LIPA: variants seen among roughly 807,000 people sequenced by gnomAD.
LIPA encodes lipase A, lysosomal acid type, also known as lysosomal acid lipase/cholesteryl ester hydrolase.
In LIPA, 26 loss-of-function variants were observed where a neutral mutation model predicts 40.6. The ratio of observed to expected loss-of-function variants is 0.64; its 90% confidence interval spans 0.47 to 0.89. The LOEUF is 0.89. Ranked by LOEUF, LIPA falls within the 40% of genes least tolerant of loss-of-function variation. The probability of loss-of-function intolerance (pLI) is 0.00; values close to 1 mark genes in which losing one functional copy is unlikely to be tolerated. For synonymous variants in LIPA, 188 were observed against 168.4 expected (o/e 1.12, Z -0.90); for missense variants, 455 against 479.6 (o/e 0.95, Z 0.48).
chr10:89,315,945 A>G (rs564236006), intron 1 of LIPA, among the ~76,000 whole-genome samples: 1 of 152,318 alleles, frequency 6.6e-6, no homozygotes, highest in Admixed American at 6.5e-5. Flanking sequence ...TTTAAGTTTT[A>G]GGGTACATGT....
chr10:89,383,810 A>C (rs1397181354), intron 2 of LIPA: 3 of 1,614,248 alleles, frequency 1.9e-6, no homozygotes, highest in Admixed American at 3.3e-5. Flanking sequence ...TGCTTTGAAA[A>C]GGCTCTGGAA....
intron 1 of LIPA, among the ~76,000 whole-genome samples, chr10:89,267,837 C>A (rs1331599469): frequency 1.3e-5 from 2 of 151,960 alleles, no homozygotes; most frequent in Non-Finnish European, 2.9e-5. Flanking sequence ...TCAACAAAAC[C>A]CAACCAGTAG....
At chr10:89,281,626 T>C (rs1843316742) in intron 1 of LIPA, among the ~76,000 whole-genome samples, 1 of 152,266 alleles carries the variant, frequency 6.6e-6, no homozygotes, top group Non-Finnish European at 1.5e-5. Context: ...TAGGAACAGA[T>C]GTGAACTCAA....
intron 1 of LIPA, chr10:89,306,787 A>C: frequency 3.1e-6 from 5 of 1,614,108 alleles, no homozygotes; most frequent in Non-Finnish European, 4.2e-6. Flanking sequence ...TAGAATACAT[A>C]CCAAACAATG....
At chr10:89,319,086 C>T (rs1322886132) in intron 1 of LIPA, among the ~76,000 whole-genome samples, 1 of 152,174 alleles carries the variant, frequency 6.6e-6, no homozygotes, top group Non-Finnish European at 1.5e-5. Context: ...AAATTTATAG[C>T]ACTAAATGCC....
At chr10:89,359,360 G>T (rs1844006897) in intron 2 of LIPA, among the ~76,000 whole-genome samples, 1 of 152,176 alleles carries the variant, frequency 6.6e-6, no homozygotes, top group South Asian at 2.1e-4. Context: ...GCCCTGTAGG[G>T]CAGTATTTGA....
intron 1 of LIPA, among the ~76,000 whole-genome samples, chr10:89,282,695 A>T (rs994845498): frequency 2.6e-5 from 4 of 152,224 alleles, no homozygotes; most frequent in Admixed American, 2.0e-4. Flanking sequence ...CGAATCCATT[A>T]TGTGCCAGGC....
chr10:89,271,072 C>A (rs929601294), intron 1 of LIPA, among the ~76,000 whole-genome samples: 5 of 152,186 alleles, frequency 3.3e-5, no homozygotes, highest in African/African-American at 9.7e-5. Flanking sequence ...GTCCTGAAGG[C>A]ACAAGTCACA....
chr10:89,339,965 G>A (rs753505819), intron 1 of LIPA: 5 of 1,614,104 alleles, frequency 3.1e-6, no homozygotes, highest in African/African-American at 1.3e-5. Context: ...GCAGCCAAAT[G>A]TTATGAGAAG....
At chr10:89,231,349 G>A (rs555721986) in intron 3 of LIPA, among the ~76,000 whole-genome samples, 17 of 152,274 alleles carry the variant, frequency 1.1e-4, no homozygotes, top group African/African-American at 2.6e-4. Context: ...AGACTACTCC[G>A]GAAGGCACTG....
At chr10:89,225,792 T>C (rs1487094012) in intron 5 of LIPA, among the ~76,000 whole-genome samples, 1 of 152,150 alleles carries the variant, frequency 6.6e-6, no homozygotes, top group African/African-American at 2.4e-5. Flanking sequence ...GGGAGATAAT[T>C]GAATCACGGA....
rs144280189 is a variant in LIPA at position 89,356,636 on chromosome 10, C to T, written c.61+56155G>A. Among the ~76,000 whole-genome samples, 895 of 152,254 alleles carry T rather than the reference C, an allele frequency of 5.9e-3. 3 individuals are homozygous for T. The highest frequency in any genetic ancestry group is 0.018 in the African/African-American group (759 of 41,562). ...GTCTCCCATCACCCCCAGATGGGAC[C>T]GTCTAGTTGCAGGAAAACAAGCTCA... On this transcript the variant is annotated intron_variant, in intron 2 of 8. Coordinates refer to the LIPA transcript ENST00000371837.
chr10:89,268,938 A>G lies in LIPA; in HGVS notation c.-1-21289T>C, dbSNP rs1218003677. On this transcript the variant is annotated intron_variant, in intron 1 of 5. Coordinates refer to the LIPA transcript ENST00000282673. Reference sequence around the variant, plus strand: ...GAGGCGGAGCTTGCAGTGAGCCAAGATAGCACCACTGCACTCCAGTCTGGG... The same window carrying G: ...GAGGCGGAGCTTGCAGTGAGCCAAGGTAGCACCACTGCACTCCAGTCTGGG... Among the ~76,000 whole-genome samples, 9 of 151,182 alleles carry G rather than the reference A, an allele frequency of 6.0e-5. No individual in the cohort carries two copies. In the East Asian group the frequency reaches 1.7e-3, roughly 29 times the overall value.
At chr10:89,215,379 T>C (rs1422576188) in intron 9 of LIPA, among the ~76,000 whole-genome samples, 1 of 152,208 alleles carries the variant, frequency 6.6e-6, no homozygotes, top group African/African-American at 2.4e-5. Context: ...CAATAGTGGC[T>C]GGAAAGAGTT....
intron 1 of LIPA, chr10:89,339,453 G>T (rs745871602): frequency 6.2e-7 from 1 of 1,614,106 alleles, no homozygotes; most frequent in South Asian, 1.1e-5. Flanking sequence ...TGTTTCAACG[G>T]GTGTTGGAAT....
intron 1 of LIPA, chr10:89,338,951 A>G (rs1843796707): frequency 6.2e-7 from 1 of 1,614,092 alleles, no homozygotes; most frequent in Non-Finnish European, 8.5e-7. Context: ...ACTTGGGGAA[A>G]CTACGCCTGG....
intron 2 of LIPA, among the ~76,000 whole-genome samples, chr10:89,399,638 T>C (rs1173823488): frequency 6.6e-6 from 1 of 152,144 alleles, no homozygotes; most frequent in African/African-American, 2.4e-5. Context: ...CCTTTCCCCA[T>C]TAGATGGTCT....
chr10:89,252,530 G>A (rs1234900515), upstream of LIPA, among the ~76,000 whole-genome samples: 1 of 152,174 alleles, frequency 6.6e-6, no homozygotes, highest in Non-Finnish European at 1.5e-5. Flanking sequence ...ACAAGGGGCT[G>A]GGCACAGTGG....
chr10:89,223,273 C>T (rs1221666912), intron 7 of LIPA, among the ~76,000 whole-genome samples: 5 of 128,886 alleles, frequency 3.9e-5, no homozygotes, highest in Non-Finnish European at 8.1e-5. Flanking sequence ...AACCACAGTA[C>T]TCAATATTGG....
Sources: allele counts gnomAD v4.1 joint callset (sites outside exome capture counted in the v4.1 genomes callset), GRCh38; gene constraint gnomAD v4.1.1; transcripts MANE v1.5; gene names NCBI Gene and HGNC (gene_info 2026-07-23, HGNC 2026-07-21).